Variants in NKAIN3 observed in about 807,000 individuals in gnomAD.
The protein encoded by NKAIN3 is sodium/potassium-transporting ATPase subunit beta-1-interacting protein 3.
A neutral mutation model predicts 30.2 loss-of-function variants in NKAIN3; 25 were observed. The ratio of observed to expected loss-of-function variants is 0.83; its 90% CI spans 0.60 to 1.16. NKAIN3 has a LOEUF of 1.16. NKAIN3 is among the 50% of genes most tolerant of loss of function. NKAIN3 has a pLI of 0.00. For missense variants in NKAIN3, 225 were observed against 254.1 expected, an observed-to-expected ratio of 0.89 and a Z score of 0.78; for synonymous variants, 91 against 89.6, an observed-to-expected ratio of 1.02 and a Z score of -0.09.
intron 5 of NKAIN3, among the ~76,000 whole-genome samples, chr8:62,947,123 G>C (rs1031513393): frequency 6.6e-6 from 1 of 152,144 alleles, no homozygotes; most frequent in African/African-American, 2.4e-5. Context: ...TCATTTAATG[G>C]ATATAGAAGT....
chr8:62,302,053 A>G (rs1585654452), intron 1 of NKAIN3, among the ~76,000 whole-genome samples: 1 of 152,042 alleles, frequency 6.6e-6, no homozygotes, highest in Non-Finnish European at 1.5e-5. Flanking sequence ...TCACTTCCCT[A>G]ATTATTCTAC....
chr8:62,821,996 G>A (rs1296314358), intron 4 of NKAIN3, among the ~76,000 whole-genome samples: 1 of 151,856 alleles, frequency 6.6e-6, no homozygotes, highest in East Asian at 1.9e-4. Context: ...AGAGGGTGAT[G>A]GGCAAAGCCA....
At chr8:62,684,328 C>A (rs1813732446) in intron 3 of NKAIN3, among the ~76,000 whole-genome samples, 1 of 152,184 alleles carries the variant, frequency 6.6e-6, no homozygotes, top group Non-Finnish European at 1.5e-5. Flanking sequence ...ACATCTAACT[C>A]TAATGAGTTA....
chr8:62,584,377 T>G (rs10110345), intron 2 of NKAIN3, among the ~76,000 whole-genome samples: 5,731 of 152,234 alleles, frequency 0.038, 310 homozygotes, highest in African/African-American at 0.12. Flanking sequence ...ACACAGATAA[T>G]TTACTGCCAT....
At position 62,259,047 on chromosome 8, in the gene NKAIN3, G is replaced by A. The variant is rs190387441; in HGVS notation, c.54+9920G>A. 2.5e-3 allele frequency among the ~76,000 whole-genome samples: 380 copies of A among 152,312 alleles called. 1 individual carries two copies. The highest frequency in any genetic ancestry group is 8.6e-3 in the African/African-American group (359 of 41,572). The stretch of plus-strand genomic sequence containing the variant: ...TTGCATGAAGGGTATGGTGGGCATA[G>A]TGCTGGAGTATTGGTGCCTTTTGGC... On this transcript the variant is annotated intron_variant, in intron 1 of 6. Transcript: ENST00000623646.
intron 4 of NKAIN3, among the ~76,000 whole-genome samples, chr8:62,757,204 C>G (rs1423076976): frequency 1.3e-5 from 2 of 152,106 alleles, no homozygotes; most frequent in Non-Finnish European, 2.9e-5. Flanking sequence ...TAATGTCATT[C>G]AGAGGGTGGC....
chr8:62,655,895 T>C (rs528618700), intron 3 of NKAIN3, among the ~76,000 whole-genome samples: 2 of 152,228 alleles, frequency 1.3e-5, no homozygotes, highest in South Asian at 2.1e-4. Flanking sequence ...TGAGCAAATA[T>C]AGGGTATGGG....
At chr8:62,362,609 C>A (rs1187416273) in intron 1 of NKAIN3, among the ~76,000 whole-genome samples, 1 of 152,104 alleles carries the variant, frequency 6.6e-6, no homozygotes, top group Non-Finnish European at 1.5e-5. Flanking sequence ...TGAAGGACAC[C>A]ACAAGGTAGT....
intron 3 of NKAIN3, among the ~76,000 whole-genome samples, chr8:62,703,755 T>C (rs1032153626): frequency 1.3e-5 from 2 of 152,228 alleles, no homozygotes; most frequent in Admixed American, 1.3e-4. Flanking sequence ...TGTATTTTTA[T>C]TTAAGCTACA....
Position 62,331,162 on chromosome 8 carries a change from C to A in NKAIN3, c.54+82035C>A, listed in dbSNP as rs75511435. 9.8e-3 allele frequency among the ~76,000 whole-genome samples: 1,451 copies of A among 148,308 alleles called. 37 individuals are homozygous for A. Among genetic ancestry groups the A allele is most frequent in the African/African-American group, 0.035 (1,391 of 40,164 alleles). ...CCTCTTCCACCCCCTCTTCCTCCCC[C>A]CCAAAGCCCTATTGTATAGCCATAT... On this transcript the variant is annotated intron_variant, in intron 1 of 6. Coordinates refer to ENST00000623646, the MANE Select transcript of NKAIN3 (RefSeq NM_001304533.3).
chr8:62,727,541 T>C (rs1333808698), intron 3 of NKAIN3, among the ~76,000 whole-genome samples: 1 of 152,146 alleles, frequency 6.6e-6, no homozygotes, highest in East Asian at 1.9e-4. Context: ...ATCACTTTCC[T>C]ATATACTAGA....
chr8:62,558,564 A>C (rs1809477323), intron 1 of NKAIN3, among the ~76,000 whole-genome samples: 1 of 152,044 alleles, frequency 6.6e-6, no homozygotes, highest in South Asian at 2.1e-4. Flanking sequence ...TTTAAAAGTC[A>C]GTTATAGAAC....
intron 4 of NKAIN3, among the ~76,000 whole-genome samples, chr8:62,882,408 T>A (rs1233310982): frequency 6.6e-6 from 1 of 152,172 alleles, no homozygotes; most frequent in Non-Finnish European, 1.5e-5. Context: ...AACCTCCGCC[T>A]CCCAGGCTCA....
chr8:62,337,621 CAT>C (rs372132945), intron 1 of NKAIN3, among the ~76,000 whole-genome samples: 34 of 151,966 alleles, frequency 2.2e-4, no homozygotes, highest in East Asian at 2.1e-3. Flanking sequence ...CTCTCACACA[CAT>C]ATGTGTGTAC....
intron 4 of NKAIN3, among the ~76,000 whole-genome samples, chr8:62,837,851 C>CA (rs1316140279): frequency 6.6e-6 from 1 of 151,868 alleles, no homozygotes; most frequent in Non-Finnish European, 1.5e-5. Flanking sequence ...ATCTCCCCAC[C>CA]AAAACAAATC....
At chr8:62,423,455 TTCA>T (rs1181845469) in intron 1 of NKAIN3, among the ~76,000 whole-genome samples, 3 of 150,062 alleles carry the variant, frequency 2.0e-5, no homozygotes, top group Non-Finnish European at 4.4e-5. Flanking sequence ...TATACATATA[TTCA>T]TCTATTCACA....
chr8:62,818,572 T>C (rs1818758212), intron 4 of NKAIN3, among the ~76,000 whole-genome samples: 1 of 151,958 alleles, frequency 6.6e-6, no homozygotes, highest in Non-Finnish European at 1.5e-5. Context: ...TTTGTTCACA[T>C]AGCAAATTCT....
intron 3 of NKAIN3, among the ~76,000 whole-genome samples, chr8:62,687,473 A>G (rs7001779): frequency 0.27 from 41,784 of 151,946 alleles, 8,663 homozygotes; most frequent in African/African-American, 0.58. Flanking sequence ...GCTATCTTTG[A>G]CTGTGTCTGC....
intron 1 of NKAIN3, among the ~76,000 whole-genome samples, chr8:62,305,058 G>A (rs897120181): frequency 6.6e-6 from 1 of 150,482 alleles, no homozygotes. Flanking sequence ...AGGAGGGTCT[G>A]TAAAGGAAAT....
Sources: gnomAD v4.1 joint callset for allele counts (sites outside exome capture counted in the v4.1 genomes callset) on GRCh38, gnomAD v4.1.1 for gene constraint, MANE v1.5 for transcripts, NCBI Gene and HGNC (gene_info 2026-07-23, HGNC 2026-07-21) for gene names.